Variants in PTPRG observed in about 807,000 individuals in gnomAD.
The protein encoded by PTPRG is protein tyrosine phosphatase receptor type G, also known as receptor-type tyrosine-protein phosphatase gamma.
A neutral mutation model predicts 165.3 loss-of-function variants in PTPRG; 102 were observed. The observed-to-expected ratio is 0.62, with a 90% CI of 0.53 to 0.73. The LOEUF is 0.73. Among genes scored for constraint, PTPRG ranks in the 30% least tolerant of loss-of-function variants. The pLI is 0.00. For missense variants in PTPRG, 1,866 were observed against 1,861.4 expected, an observed-to-expected ratio of 1.00 and a Z score of -0.05; for synonymous variants, 675 against 669.5, an observed-to-expected ratio of 1.01 and a Z score of -0.13.
intron 1 of PTPRG, among the ~76,000 whole-genome samples, chr3:61,572,337 G>A (rs78909840): frequency 0.014 from 2,084 of 152,274 alleles, 51 homozygotes; most frequent in African/African-American, 0.045. Flanking sequence ...AAAGTTATGT[G>A]TATAGCGTTT....
At chr3:62,037,729 G>T (rs937199177) in intron 4 of PTPRG, among the ~76,000 whole-genome samples, 5 of 152,126 alleles carry the variant, frequency 3.3e-5, no homozygotes, top group Non-Finnish European at 5.9e-5. Context: ...TAATTTCTCA[G>T]TTCTGAGGTG....
At chr3:61,790,844 C>A (rs900135110) in intron 2 of PTPRG, among the ~76,000 whole-genome samples, 1 of 150,658 alleles carries the variant, frequency 6.6e-6, no homozygotes, top group East Asian at 2.0e-4. Flanking sequence ...ATAAGTCATT[C>A]ATCTCTGACA....
chr3:61,792,087 G>A (rs1209020339), intron 2 of PTPRG, among the ~76,000 whole-genome samples: 1 of 152,074 alleles, frequency 6.6e-6, no homozygotes, highest in Non-Finnish European at 1.5e-5. Flanking sequence ...GAGTGTAGGA[G>A]TTTTTAGGGG....
chr3:61,607,518 C>T lies in PTPRG; in HGVS notation c.85+45146C>T, dbSNP rs1701046281. Among the ~76,000 whole-genome samples the T allele has an allele frequency of 2.0e-5, 3 of 152,254 alleles. No homozygotes were observed. The South Asian group carries it at 6.2e-4, about 32-fold the overall frequency. On this transcript the variant is annotated intron_variant, in intron 1 of 29. Coordinates refer to ENST00000474889, the MANE Select transcript of PTPRG (RefSeq NM_002841.4). ...CTCTCATTTCATAGGAGTTTTCTTT[C>T]CCACAGAAAGGCAGCTCGACAAACT...
intron 2 of PTPRG, among the ~76,000 whole-genome samples, chr3:61,780,485 C>T (rs537239946): frequency 1.3e-5 from 2 of 152,220 alleles, no homozygotes; most frequent in East Asian, 3.9e-4. Context: ...TTTTTAACAT[C>T]CTTGGATTCG....
At chr3:62,157,305 C>A in intron 7 of PTPRG, 81 bp downstream of exon 7, 1 of 1,406,604 alleles carries the variant, frequency 7.1e-7, no homozygotes, top group South Asian at 1.4e-5. Context: ...TAGAGTATAC[C>A]ACTAAGGAAT....
At chr3:62,035,157 G>A (rs574482239) in intron 4 of PTPRG, among the ~76,000 whole-genome samples, 1 of 152,252 alleles carries the variant, frequency 6.6e-6, no homozygotes, top group African/African-American at 2.4e-5. Context: ...GCTTGAAAAT[G>A]GCACTGTTTT....
At chr3:61,879,739 C>G (rs1187528322) in intron 2 of PTPRG, among the ~76,000 whole-genome samples, 2 of 152,144 alleles carry the variant, frequency 1.3e-5, no homozygotes, top group African/African-American at 4.8e-5. Context: ...ATTGCTGTAA[C>G]TAGAACCTCC....
intron 1 of PTPRG, among the ~76,000 whole-genome samples, chr3:61,604,565 C>CT (rs1700949851): frequency 6.6e-6 from 1 of 152,184 alleles, no homozygotes; most frequent in Non-Finnish European, 1.5e-5. Context: ...CTTTAACCCT[C>CT]TCAACCAGCC....
At chr3:62,117,277 A>T (rs549398093) in intron 5 of PTPRG, among the ~76,000 whole-genome samples, 1 of 152,366 alleles carries the variant, frequency 6.6e-6, no homozygotes, top group East Asian at 1.9e-4. Context: ...GACTTTTCCC[A>T]GCTAGCTCAC....
intron 2 of PTPRG, among the ~76,000 whole-genome samples, chr3:61,954,694 T>C (rs554637843): frequency 6.6e-5 from 10 of 152,324 alleles, no homozygotes; most frequent in African/African-American, 2.4e-4. Flanking sequence ...ATACTTCCCT[T>C]GCAAAACCGC....
At chr3:61,771,240 G>A (rs901741547) in intron 2 of PTPRG, 9 of 152,096 alleles carry the variant, frequency 5.9e-5, no homozygotes, top group African/African-American at 2.2e-4. Context: ...AGTTCCCATA[G>A]AGTTGTGTGT....
rs1490917640 is a variant in PTPRG at position 61,782,971 on chromosome 3, T to G, written c.190+33989T>G. Among the ~76,000 whole-genome samples, 3 of 151,990 alleles carry G rather than the reference T, an allele frequency of 2.0e-5. No homozygotes were observed. In the East Asian group the frequency reaches 5.8e-4, roughly 30 times the overall value. Reference sequence around the variant, plus strand: ...GTGTGTACAACCATACCTGGCTAATTAAAACAAATTTTTTTTAAGAGATGG... The same window carrying G: ...GTGTGTACAACCATACCTGGCTAATGAAAACAAATTTTTTTTAAGAGATGG... On this transcript the variant is annotated intron_variant, in intron 2 of 29. Coordinates refer to ENST00000474889, the MANE Select transcript of PTPRG (RefSeq NM_002841.4).
intron 1 of PTPRG, among the ~76,000 whole-genome samples, chr3:61,717,290 C>A (rs923681173): frequency 6.6e-6 from 1 of 152,138 alleles, no homozygotes; most frequent in South Asian, 2.1e-4. Flanking sequence ...ATCATCCTGA[C>A]CCTAACCCTT....
chr3:62,012,074 T>A (rs1408555598), intron 4 of PTPRG, among the ~76,000 whole-genome samples: 2 of 152,180 alleles, frequency 1.3e-5, no homozygotes, highest in Non-Finnish European at 2.9e-5. Flanking sequence ...TCACTGATAC[T>A]GGTGTTGGTA....
intron 2 of PTPRG, among the ~76,000 whole-genome samples, chr3:61,801,575 G>A (rs1394248834): frequency 6.6e-6 from 1 of 152,066 alleles, no homozygotes; most frequent in Non-Finnish European, 1.5e-5. Flanking sequence ...AACTCAAGTC[G>A]GCTTGTGTCA....
chr3:62,156,051 C>T (rs1233883849), intron 6 of PTPRG, among the ~76,000 whole-genome samples: 3 of 152,180 alleles, frequency 2.0e-5, no homozygotes, highest in Admixed American at 6.5e-5. Flanking sequence ...CTCTGACTCA[C>T]GAAAGAAGCT....
chr3:62,197,626 G>A (rs989249198), intron 10 of PTPRG, among the ~76,000 whole-genome samples: 4 of 152,172 alleles, frequency 2.6e-5, no homozygotes, highest in East Asian at 1.9e-4. Flanking sequence ...TGCTGAGGCC[G>A]GGGCCCTTGG....
chr3:62,206,912 C>CAAAAAAAAAAAAAAAAAAAAAAA (rs556974355), intron 12 of PTPRG, among the ~76,000 whole-genome samples: 3 of 37,332 alleles, frequency 8.0e-5, no homozygotes, highest in African/African-American at 2.1e-4. Context: ...GACTCTGTCT[C>CAAAAAAAAAAAAAAAAAAAAAAA]AAAAAAAAAA....
Sources: gnomAD v4.1 joint callset for allele counts (sites outside exome capture counted in the v4.1 genomes callset) on GRCh38, gnomAD v4.1.1 for gene constraint, MANE v1.5 for transcripts, NCBI Gene and HGNC (gene_info 2026-07-23, HGNC 2026-07-21) for gene names.